Variants in SPAG16 observed in about 807,000 individuals in gnomAD.
SPAG16 encodes the protein sperm-associated antigen 16 protein.
A neutral mutation model predicts 80.4 loss-of-function variants in SPAG16; 86 were observed. The observed-to-expected ratio is 1.07, with a 90% CI of 0.90 to 1.28. The LOEUF (loss-of-function observed/expected upper bound fraction) is 1.28. Ranked by LOEUF, SPAG16 falls within the 50% of genes most tolerant of loss-of-function variation. The pLI, the probability that SPAG16 is intolerant of heterozygous loss-of-function variation, is 0.00. For missense variants in SPAG16, 870 were observed against 765.3 expected (o/e 1.14, Z -1.61); for synonymous variants, 294 against 265.9 (o/e 1.11, Z -1.03).
chr2:214,078,307 CTT>C (rs2125251704), intron 13 of SPAG16, among the ~76,000 whole-genome samples: 1 of 152,152 alleles, frequency 6.6e-6, no homozygotes, highest in South Asian at 2.1e-4. Context: ...AATCCCAGCA[CTT>C]TGGTAGGTTG....
At chr2:214,002,825 C>T (rs2124888301) in intron 12 of SPAG16, among the ~76,000 whole-genome samples, 1 of 152,300 alleles carries the variant, frequency 6.6e-6, no homozygotes, top group East Asian at 1.9e-4. Flanking sequence ...TGGCGAGGGA[C>T]ATCTCCTTTA....
intron 15 of SPAG16, among the ~76,000 whole-genome samples, chr2:214,254,455 G>A (rs973001541): frequency 3.3e-5 from 5 of 152,086 alleles, no homozygotes; most frequent in African/African-American, 4.8e-5. Flanking sequence ...TTTGAGATAC[G>A]TTCCGTTAAT....
At chr2:213,438,996 C>T (rs2070790277) in intron 9 of SPAG16, among the ~76,000 whole-genome samples, 2 of 152,156 alleles carry the variant, frequency 1.3e-5, no homozygotes, top group Admixed American at 6.5e-5. Flanking sequence ...AAACTGGAAC[C>T]TCAGTCATCA....
intron 15 of SPAG16, among the ~76,000 whole-genome samples, chr2:214,292,885 T>C (rs1244705606): frequency 6.6e-6 from 1 of 152,202 alleles, no homozygotes; most frequent in East Asian, 1.9e-4. Context: ...GCATGCGATA[T>C]TGTAGTATCT....
At chr2:213,561,183 C>T (rs563311760) in intron 10 of SPAG16, among the ~76,000 whole-genome samples, 2 of 152,226 alleles carry the variant, frequency 1.3e-5, no homozygotes, top group South Asian at 4.2e-4. Context: ...TAGCTTTTGT[C>T]CAGTTTCCTC....
chr2:214,315,832 C>G (rs960280459), intron 15 of SPAG16, among the ~76,000 whole-genome samples: 2 of 152,118 alleles, frequency 1.3e-5, no homozygotes, highest in South Asian at 4.1e-4. Context: ...GCACCTGGCC[C>G]TTCTTTTTCT....
At chr2:213,285,020 G>A (rs868182454) in intron 1 of SPAG16, among the ~76,000 whole-genome samples, 4 of 152,170 alleles carry the variant, frequency 2.6e-5, no homozygotes, top group Non-Finnish European at 5.9e-5. Flanking sequence ...ACGGAGGAAC[G>A]TTAGGAGACT....
chr2:213,419,468 A>G (rs561425142), intron 9 of SPAG16, among the ~76,000 whole-genome samples: 170 of 152,322 alleles, frequency 1.1e-3, no homozygotes, highest in African/African-American at 3.7e-3. Flanking sequence ...GGGATGAAGA[A>G]GAAATTATTT....
intron 1 of SPAG16, among the ~76,000 whole-genome samples, chr2:213,295,504 T>A (rs1002424637): frequency 6.6e-6 from 1 of 152,214 alleles, no homozygotes; most frequent in East Asian, 1.9e-4. Context: ...AATTTAAAAA[T>A]GGAGATACAT....
Position 213,773,885 on chromosome 2 carries a change from A to G in SPAG16, c.1071-88600A>G, listed in dbSNP as rs547613316. On this transcript the variant is annotated intron_variant, in intron 10 of 15. Coordinates refer to ENST00000331683, the MANE Select transcript of SPAG16 (RefSeq NM_024532.5). ...AAATTTCTATTGACCTCTCTTCAAGATAGACTCTTGTCTATCTGGTCCTCA... is the reference window on the plus strand; with the variant it reads ...AAATTTCTATTGACCTCTCTTCAAGGTAGACTCTTGTCTATCTGGTCCTCA... 9.1e-4 allele frequency among the ~76,000 whole-genome samples: 138 copies of G among 152,294 alleles called. 1 individual carries two copies. Among genetic ancestry groups the G allele is most frequent in the African/African-American group, 3.1e-3 (127 of 41,572 alleles).
intron 15 of SPAG16, among the ~76,000 whole-genome samples, chr2:214,198,486 T>A (rs1038748696): frequency 6.6e-6 from 1 of 152,132 alleles, no homozygotes; most frequent in African/African-American, 2.4e-5. Context: ...ACCACATTTG[T>A]TCATTAATTT....
chr2:213,338,871 G>A (rs542324703), intron 5 of SPAG16, among the ~76,000 whole-genome samples: 8 of 152,240 alleles, frequency 5.3e-5, no homozygotes, highest in African/African-American at 1.7e-4. Flanking sequence ...AGGGGGTGGA[G>A]TATGTGGTTG....
intron 10 of SPAG16, among the ~76,000 whole-genome samples, chr2:213,541,678 A>C (rs1234730029): frequency 6.6e-6 from 1 of 152,204 alleles, no homozygotes. Context: ...TAGAAGAGAG[A>C]ACCCTTCCAA....
chr2:214,387,357 T>G (rs907754825), intron 15 of SPAG16, among the ~76,000 whole-genome samples: 3 of 152,348 alleles, frequency 2.0e-5, no homozygotes, highest in Middle Eastern at 6.8e-3. Context: ...AGGGCGATGT[T>G]TGATCCATCA....
At chr2:214,068,516 G>A (rs1281461322) in intron 13 of SPAG16, among the ~76,000 whole-genome samples, 1 of 151,994 alleles carries the variant, frequency 6.6e-6, no homozygotes, top group East Asian at 1.9e-4. Flanking sequence ...ACTCACTGTG[G>A]TACAAGGTCT....
At chr2:213,806,841 TA>T (rs1167890645) in intron 10 of SPAG16, among the ~76,000 whole-genome samples, 1 of 152,186 alleles carries the variant, frequency 6.6e-6, no homozygotes, top group Admixed American at 6.5e-5. Flanking sequence ...AAAATAAAAT[TA>T]ATTTGTCTAG....
chr2:214,215,721 A>G (rs1024957938), intron 15 of SPAG16, among the ~76,000 whole-genome samples: 2 of 152,284 alleles, frequency 1.3e-5, no homozygotes, highest in African/African-American at 4.8e-5. Context: ...TACTGAGCCT[A>G]TGTGGTCTCT....
At chr2:214,000,084 A>C (rs886632364) in intron 12 of SPAG16, among the ~76,000 whole-genome samples, 2 of 152,124 alleles carry the variant, frequency 1.3e-5, no homozygotes. Context: ...GGAAGGCATA[A>C]TTGGTTTTCA....
intron 10 of SPAG16, among the ~76,000 whole-genome samples, chr2:213,646,480 G>A (rs191414778): frequency 6.6e-6 from 1 of 152,192 alleles, no homozygotes; most frequent in East Asian, 1.9e-4. Context: ...TTACAGAACA[G>A]GAATTATATA....
Sources: allele counts gnomAD v4.1 joint callset (sites outside exome capture counted in the v4.1 genomes callset), GRCh38; gene constraint gnomAD v4.1.1; transcripts MANE v1.5; gene names NCBI Gene and HGNC (gene_info 2026-07-23, HGNC 2026-07-21).